DDX21: variants seen among roughly 807,000 people sequenced by gnomAD.
The protein encoded by DDX21 is DExD-box helicase 21.
Under a neutral mutation model 90.0 loss-of-function variants are expected in DDX21, and 18 were observed. The observed-to-expected ratio is 0.20, with a 90% confidence interval of 0.14 to 0.30. DDX21 has a LOEUF of 0.30. Among genes scored for constraint, DDX21 ranks in the 10% least tolerant of loss-of-function variants. DDX21 has a pLI of 1.00. For synonymous variants in DDX21, 294 were observed against 318.0 expected (o/e 0.92, Z 0.80); for missense variants, 673 against 944.5 (o/e 0.71, Z 3.77).
chr10:68,956,749 G>A (rs889001116), intron 1 of DDX21: 2 of 1,017,586 alleles, frequency 2.0e-6, no homozygotes, highest in Admixed American at 5.3e-5. Flanking sequence ...TCAAGTCAAA[G>A]TGGGTACTGG....
intron 6 of DDX21, 79 bp from the exon 7 acceptor site, chr10:68,968,897 G>A (rs1842980378): frequency 6.7e-7 from 1 of 1,496,280 alleles, no homozygotes; most frequent in East Asian, 2.3e-5. Context: ...ATGGACTGTG[G>A]AAGTATTAGG....
intron 6 of DDX21, 48 bp from the exon 7 acceptor site, chr10:68,968,928 G>A: frequency 6.2e-7 from 1 of 1,600,180 alleles, no homozygotes; most frequent in Non-Finnish European, 8.5e-7. Flanking sequence ...TACTATGTAG[G>A]CTTGTTTGGA....
chr10:68,981,240 A>AT (rs2132097287), intron 13 of DDX21, among the ~76,000 whole-genome samples: 1 of 152,354 alleles, frequency 6.6e-6, no homozygotes, highest in Admixed American at 6.5e-5. Context: ...CTCAGCAATA[A>AT]AATGTAGCTA....
chr10:68,971,368 A>C (rs1477014553), intron 8 of DDX21, among the ~76,000 whole-genome samples: 1 of 152,102 alleles, frequency 6.6e-6, no homozygotes, highest in Non-Finnish European at 1.5e-5. Context: ...TAGCAGGATT[A>C]GCTATTCTCC....
intron 2 of DDX21, 103 bp downstream of exon 2, chr10:68,960,352 A>G (rs1375060310): frequency 9.1e-6 from 11 of 1,204,272 alleles, no homozygotes; most frequent in Middle Eastern, 2.0e-4. Flanking sequence ...AGAAAATGTG[A>G]TGTGTCAGCA....
At chr10:68,969,480 A>ATG (rs1207123587) in intron 7 of DDX21, among the ~76,000 whole-genome samples, 1 of 152,150 alleles carries the variant, frequency 6.6e-6, no homozygotes, top group Non-Finnish European at 1.5e-5. Flanking sequence ...GGGTTTCACC[A>ATG]TGTTGGCCAG....
At chr10:68,971,475 G>T (rs1185587757) in intron 8 of DDX21, among the ~76,000 whole-genome samples, 1 of 151,992 alleles carries the variant, frequency 6.6e-6, no homozygotes, top group Non-Finnish European at 1.5e-5. Context: ...TCAAACCCCA[G>T]CCTCAAGCAG....
Position 68,977,516 on chromosome 10 carries a change from T to C in DDX21, c.1743-13T>C. 1.3e-6 allele frequency: 2 copies of C among 1,598,450 alleles called. No individual in the cohort carries two copies. The highest frequency in any genetic ancestry group is 1.7e-6 in the Non-Finnish European group (2 of 1,169,880). ...TCTAGTATCCTTTCTCCTAACACACTCTCAAACAACAGGCTTTTGGATTCC... is the reference window on the plus strand; with the variant it reads ...TCTAGTATCCTTTCTCCTAACACACCCTCAAACAACAGGCTTTTGGATTCC... On this transcript the variant is annotated splice_polypyrimidine_tract_variant and intron_variant, in intron 11 of 14. Transcript: ENST00000354185.
Position 68,977,632 on chromosome 10 carries a change from G to T in DDX21, c.1846G>T (p.Ala616Ser), listed in dbSNP as rs557189833. The change falls in exon 12 of 15, where the codon GCC (alanine) becomes TCC (serine). Residue 616 changes from alanine to serine, a missense_variant. Around this residue, in one of 4 missense-constraint regions of DDX21, gnomAD observed 225 missense variants for 298.8 expected, o/e 0.75. Transcript: ENST00000354185. ...TGTGGAAGCTCTGGCAGCAGCACTG[G>T]CCCATATTTCAGGTGCCACGTCCGT... ...GAVEALAAAL[A>S]HISGATSVDQ... 5 of 1,613,856 alleles carry T rather than the reference G, an allele frequency of 3.1e-6. No individual in the cohort carries two copies. In the South Asian group the frequency reaches 5.5e-5, roughly 18 times the overall value.
intron 11 of DDX21, among the ~76,000 whole-genome samples, chr10:68,975,846 C>G (rs895971496): frequency 3.3e-5 from 5 of 151,940 alleles, no homozygotes; most frequent in African/African-American, 1.2e-4. Flanking sequence ...GTCAGGAGTT[C>G]AAGACCAGCT....
chr10:68,970,788 G>A (rs1222158774), intron 8 of DDX21, among the ~76,000 whole-genome samples: 1 of 151,992 alleles, frequency 6.6e-6, no homozygotes, highest in Non-Finnish European at 1.5e-5. Flanking sequence ...AAGTAGCTGC[G>A]ATTACAGGCA....
At chr10:68,958,666 T>C (rs1173827213) in intron 1 of DDX21, among the ~76,000 whole-genome samples, 1 of 152,104 alleles carries the variant, frequency 6.6e-6, no homozygotes, top group Non-Finnish European at 1.5e-5. Context: ...CTCCTTCTCC[T>C]GACCTCGTGA....
At position 68,962,082 on chromosome 10, in the gene DDX21, G is replaced by C; in HGVS notation, c.532G>C (p.Glu178Gln). Residue 178 changes from glutamate to glutamine, a missense_variant and splice_region_variant, in exon 3 of 15, where the codon GAA becomes CAA. Around this residue, in one of 4 missense-constraint regions of DDX21, gnomAD observed 204 missense variants for 221.6 expected, o/e 0.92. Transcript: ENST00000354185. ...CTTTCTATGGCCCTTTACTTGATAG[G>C]AAATACCTGTGGAACAAAAAGAAGG... ...SEESNSEIEQ[E>Q]IPVEQKEGAF... The C allele has an allele frequency of 1.9e-6, 3 of 1,609,752 alleles. No homozygotes were observed. Among genetic ancestry groups the C allele is most frequent in the Non-Finnish European group, 2.5e-6 (3 of 1,177,262 alleles).
chr10:68,957,504 G>A (rs1842814447), intron 1 of DDX21, among the ~76,000 whole-genome samples: 1 of 152,158 alleles, frequency 6.6e-6, no homozygotes, highest in Admixed American at 6.6e-5. Context: ...CTTTTGATAT[G>A]GAGTTCTTAC....
In DDX21 at chr10:68,974,726, C is replaced by G. The variant is rs1275919138; in HGVS notation, c.1725C>G (p.Ser575=). 6 of 1,613,752 alleles carry G rather than the reference C, an allele frequency of 3.7e-6. No individual in the cohort carries two copies. In the African/African-American group the frequency reaches 8.0e-5, roughly 22 times the overall value. The part of the protein sequence containing the change: ...VPSATEIIKA[S]SKDAIRLLDS... ...CTGCAACAGAAATAATAAAAGCTTC[C>G]AGCAAAGATGCCATCAGGTATGTTC... The change falls in exon 11 of 15, where the codon TCC becomes TCG. Residue 575 remains serine, a synonymous_variant. Transcript: ENST00000354185.
Position 68,956,459 on chromosome 10 carries a change from C to T in DDX21, c.87+147C>T, listed in dbSNP as rs963411232. On this transcript the variant is annotated intron_variant, in intron 1 of 14. Coordinates refer to ENST00000354185, the MANE Select transcript of DDX21 (RefSeq NM_004728.4). ...GGGCGTGGGTCTTGGCGGGCGGTCG[C>T]CCAGGAGTGGTGCGCTCCCCGGGCA... 1.7e-4 allele frequency: 255 copies of T among 1,475,594 alleles called. 3 individuals are homozygous for T. In the East Asian group the frequency reaches 6.3e-3, roughly 37 times the overall value. The allele number at this position is 1,475,594 out of a possible 1,614,324, so 91.4% of individuals were successfully genotyped here. A position where few individuals can be genotyped will look rare whatever the true frequency, so the allele number is the denominator to read the frequency against.
At chr10:68,974,887 C>T in intron 11 of DDX21, 144 bp downstream of exon 11, 2 of 586,906 alleles carry the variant, frequency 3.4e-6, no homozygotes. Flanking sequence ...AGGCTGGTCT[C>T]AACTCCTGGT....
intron 6 of DDX21, 27 bp downstream of exon 6, chr10:68,967,230 A>G (rs1484608225): frequency 6.3e-7 from 1 of 1,593,726 alleles, no homozygotes; most frequent in African/African-American, 1.4e-5. Context: ...AGAAGCTGAT[A>G]AAAAAGACCA....
chr10:68,972,526 A>G (rs1843040725), intron 9 of DDX21, among the ~76,000 whole-genome samples: 1 of 152,208 alleles, frequency 6.6e-6, no homozygotes, highest in African/African-American at 2.4e-5. Context: ...AGGTATTCCA[A>G]TCACTTCCAA....
Sources: allele counts gnomAD v4.1 joint callset (sites outside exome capture counted in the v4.1 genomes callset), GRCh38; gene constraint gnomAD v4.1.1; regional missense constraint gnomAD v4.1.1; transcripts MANE v1.5; gene names NCBI Gene and HGNC (gene_info 2026-07-23, HGNC 2026-07-21).